IQUB: variants seen among roughly 807,000 people sequenced by gnomAD.
IQUB encodes IQ motif and ubiquitin-like domain-containing protein.
A neutral mutation model predicts 86.4 loss-of-function variants in IQUB; 86 were observed. The ratio of observed to expected loss-of-function variants is 1.00; its 90% CI spans 0.84 to 1.19. The LOEUF (loss-of-function observed/expected upper bound fraction) is 1.19. IQUB is among the 50% of genes most tolerant of loss of function. The pLI, the probability that IQUB is intolerant of heterozygous loss-of-function variation, is 0.00. For missense variants in IQUB, 946 were observed against 916.9 expected (o/e 1.03, Z -0.41); for synonymous variants, 289 against 304.5 (o/e 0.95, Z 0.53).
At chr7:123,460,996 T>C (rs922699035) in intron 11 of IQUB, among the ~76,000 whole-genome samples, 8 of 151,734 alleles carry the variant, frequency 5.3e-5, no homozygotes, top group Admixed American at 5.3e-4. Context: ...TTACTTTCTA[T>C]AAGCCTTAGC....
chr7:123,477,466 T>TA (rs562342241), intron 8 of IQUB, among the ~76,000 whole-genome samples: 19 of 152,264 alleles, frequency 1.2e-4, no homozygotes, highest in Middle Eastern at 3.4e-3. Flanking sequence ...ACTTAAACGT[T>TA]AGACCTAAAA....
intron 1 of IQUB, among the ~76,000 whole-genome samples, chr7:123,517,530 C>CAAAAAAA (rs374712007): frequency 2.1e-3 from 48 of 22,370 alleles, no homozygotes; most frequent in South Asian, 3.3e-3. Flanking sequence ...GACTCCATCT[C>CAAAAAAA]AAAAAAAAAA....
intron 10 of IQUB, 49 bp downstream of exon 10, chr7:123,464,784 C>A (rs1794168067): frequency 7.8e-7 from 1 of 1,288,594 alleles, no homozygotes; most frequent in Non-Finnish European, 1.1e-6. Context: ...ATTTACTATA[C>A]CACATCTTAG....
intron 10 of IQUB, among the ~76,000 whole-genome samples, chr7:123,463,183 G>C (rs956928509): frequency 6.6e-6 from 1 of 151,576 alleles, no homozygotes; most frequent in African/African-American, 2.4e-5. Context: ...ATCATATACT[G>C]CAGGCAGAAA....
At chr7:123,525,079 C>G (rs1430286442) in intron 1 of IQUB, among the ~76,000 whole-genome samples, 8 of 152,134 alleles carry the variant, frequency 5.3e-5, no homozygotes, top group African/African-American at 1.4e-4. Flanking sequence ...TAAGCTTTTT[C>G]ATGTGCTGCT....
At chr7:123,524,638 G>A (rs995758503) in intron 1 of IQUB, among the ~76,000 whole-genome samples, 37 of 150,996 alleles carry the variant, frequency 2.5e-4, no homozygotes, top group East Asian at 9.7e-4. Flanking sequence ...CAATCATGTC[G>A]TCTGCAAACA....
chr7:123,452,531 A>T lies in IQUB; in HGVS notation c.*212T>A, dbSNP rs1171318336. 1 of 363,052 alleles carries T rather than the reference A, an allele frequency of 2.8e-6. No individual in the cohort carries two copies. Among genetic ancestry groups the T allele is most frequent in the African/African-American group, 2.1e-5 (1 of 47,882 alleles). The allele number at this position is 363,052 out of a possible 1,614,324, so 22.5% of individuals were successfully genotyped here. On this transcript the variant is annotated 3_prime_UTR_variant, in exon 13 of 13. Coordinates refer to ENST00000324698, the MANE Select transcript of IQUB (RefSeq NM_178827.5). ...TTACCCCAAAATATTAATTTCAGTA[A>T]CAAAATTGCATTTCAATTTAGCACC...
intron 3 of IQUB, among the ~76,000 whole-genome samples, chr7:123,508,874 A>G (rs1796301085): frequency 6.6e-6 from 1 of 152,220 alleles, no homozygotes; most frequent in Non-Finnish European, 1.5e-5. Context: ...TGTGGATTAA[A>G]TTATAATGTA....
At chr7:123,502,806 G>A in intron 5 of IQUB, 54 bp from the exon 6 acceptor site, 1 of 1,431,888 alleles carries the variant, frequency 7.0e-7, no homozygotes, top group East Asian at 2.3e-5. Flanking sequence ...TATACATAAG[G>A]GAGTTTTTCT....
rs372579518 is a variant in IQUB, at chr7:123,491,816, T to G, written c.1234+4880A>C. ...GAAAATTGAAGAGCACAGAGGAGATTAGCATTATCCAAATACTAAAACCAG... is the reference window on the plus strand; with the variant it reads ...GAAAATTGAAGAGCACAGAGGAGATGAGCATTATCCAAATACTAAAACCAG... On this transcript the variant is annotated intron_variant, in intron 7 of 12. Transcript: ENST00000324698. Among the ~76,000 whole-genome samples, 14 of 152,240 alleles carry G rather than the reference T, an allele frequency of 9.2e-5. No homozygotes were observed. The East Asian group carries it at 2.5e-3, about 27-fold the overall frequency.
rs146149185 is a variant in IQUB at position 123,531,004 on chromosome 7, G to A, written c.-5+3488C>T. Among the ~76,000 whole-genome samples, 134 of 152,134 alleles carry A rather than the reference G, an allele frequency of 8.8e-4. 1 individual carries two copies. In the East Asian group the frequency reaches 0.019, roughly 22 times the overall value. Reference sequence around the variant, plus strand: ...TATTTAATCCTTACAATGACTCTGAGGTAGATCTTCTTGTCTCTGTAGATA... The same window carrying A: ...TATTTAATCCTTACAATGACTCTGAAGTAGATCTTCTTGTCTCTGTAGATA... On this transcript the variant is annotated intron_variant, in intron 1 of 12. Coordinates refer to ENST00000324698, the MANE Select transcript of IQUB (RefSeq NM_178827.5).
At chr7:123,530,672 A>ATTTTTTTTT (rs377272603) in intron 1 of IQUB, among the ~76,000 whole-genome samples, 3 of 99,456 alleles carry the variant, frequency 3.0e-5, no homozygotes, top group African/African-American at 4.2e-5. Flanking sequence ...TTGCTCTTTG[A>ATTTTTTTTT]TTTTTTTTTT....
At chr7:123,494,138 C>T (rs1039326347) in intron 7 of IQUB, among the ~76,000 whole-genome samples, 9 of 151,918 alleles carry the variant, frequency 5.9e-5, no homozygotes, top group Non-Finnish European at 1.5e-5. Context: ...AGTAATGGCC[C>T]TAGTGACAAT....
chr7:123,475,567 T>G (rs918409040), intron 8 of IQUB, among the ~76,000 whole-genome samples: 4 of 152,078 alleles, frequency 2.6e-5, no homozygotes, highest in Non-Finnish European at 5.9e-5. Flanking sequence ...ACATGGGGAC[T>G]GGGGTAGGGA....
intron 8 of IQUB, among the ~76,000 whole-genome samples, chr7:123,473,834 G>A (rs552402214): frequency 6.6e-6 from 1 of 151,290 alleles, no homozygotes; most frequent in African/African-American, 2.4e-5. Context: ...ATCCACCTGC[G>A]TTGGCCTCCC....
At chr7:123,531,192 A>T (rs1223615463) in intron 1 of IQUB, among the ~76,000 whole-genome samples, 2 of 152,172 alleles carry the variant, frequency 1.3e-5, no homozygotes, top group African/African-American at 2.4e-5. Context: ...TATATATATA[A>T]AACAAAAAAC....
In IQUB at chr7:123,455,453, T is replaced by C. The variant is rs551318551; in HGVS notation, c.2193+1928A>G. 4.9e-4 allele frequency among the ~76,000 whole-genome samples: 75 copies of C among 152,256 alleles called. 1 individual carries two copies. The highest frequency in any genetic ancestry group is 1.8e-3 in the African/African-American group (74 of 41,562). ...AGATTCTAAGCCAATAATATATTGC[T>C]TTAAAATTAAAAATAAAATGCATCA... On this transcript the variant is annotated intron_variant, in intron 12 of 12. Coordinates refer to ENST00000324698, the MANE Select transcript of IQUB (RefSeq NM_178827.5).
At chr7:123,469,729 T>C (rs1794440712) in intron 8 of IQUB, among the ~76,000 whole-genome samples, 1 of 152,192 alleles carries the variant, frequency 6.6e-6, no homozygotes, top group Admixed American at 6.5e-5. Context: ...ATTGAGTGTA[T>C]ATAAATATGT....
intron 8 of IQUB, among the ~76,000 whole-genome samples, chr7:123,472,267 G>A (rs1270882555): frequency 2.0e-5 from 3 of 151,574 alleles, no homozygotes; most frequent in Non-Finnish European, 2.9e-5. Context: ...AAAAGAAAAG[G>A]AAAGAAATAA....
Sources: gnomAD v4.1 joint callset for allele counts (sites outside exome capture counted in the v4.1 genomes callset) on GRCh38, gnomAD v4.1.1 for gene constraint, MANE v1.5 for transcripts, NCBI Gene and HGNC (gene_info 2026-07-23, HGNC 2026-07-21) for gene names.